The following PREP variants were observed in gnomAD, a reference collection of about 807,000 sequenced individuals.
The protein encoded by PREP is dJ355L5.1 (prolyl endopeptidase).
Under a neutral mutation model 87.6 loss-of-function variants are expected in PREP, and 29 were observed. The observed-to-expected ratio is 0.33, with a 90% CI of 0.25 to 0.45. The LOEUF is 0.45. Among genes scored for constraint, PREP ranks in the 20% least tolerant of loss-of-function variants. The probability of loss-of-function intolerance (pLI) is 1.00; values close to 1 mark genes in which losing one functional copy is unlikely to be tolerated. For synonymous variants in PREP, 337 were observed against 328.6 expected, an observed-to-expected ratio of 1.03 and a Z score of -0.28; for missense variants, 695 against 886.5, an observed-to-expected ratio of 0.78 and a Z score of 2.74.
At chr6:105,328,478 T>A (rs780330257) in intron 9 of PREP, among the ~76,000 whole-genome samples, 9 of 152,098 alleles carry the variant, frequency 5.9e-5, no homozygotes, top group Admixed American at 2.6e-4. Context: ...ATGGTCTCAA[T>A]CTCTTGACCT....
chr6:105,326,156 G>C (rs929896594), intron 9 of PREP, among the ~76,000 whole-genome samples: 4 of 152,150 alleles, frequency 2.6e-5, no homozygotes, highest in Admixed American at 2.0e-4. Context: ...GTCTCAAAAA[G>C]TTTTGCCTTT....
rs1414854303 is a variant in PREP, at chr6:105,275,881, G to C, written c.*2263C>G. 6.6e-6 allele frequency among the ~76,000 whole-genome samples: 1 copy of C among 152,202 alleles called. No homozygotes were observed. The highest frequency in any genetic ancestry group is 2.4e-5 in the African/African-American group (1 of 41,448). Reference sequence around the variant, plus strand: ...CTCCACTCATGTGGGAGCTAAAAAAGCAGGCAGAGAAAGGGAGGATGAAGA... The same window carrying C: ...CTCCACTCATGTGGGAGCTAAAAAACCAGGCAGAGAAAGGGAGGATGAAGA... On this transcript the variant is annotated 3_prime_UTR_variant, in exon 15 of 15. Coordinates refer to ENST00000652536, the MANE Select transcript of PREP (RefSeq NM_002726.5).
Position 105,327,572 on chromosome 6 carries a change from G to T in PREP, c.1213+1257C>A, listed in dbSNP as rs1050902137. On this transcript the variant is annotated intron_variant, in intron 9 of 14. Coordinates refer to ENST00000652536, the MANE Select transcript of PREP (RefSeq NM_002726.5). ...ATTCCTTATGGATTGCCTGCTCTGT[G>T]ACTCAGAGGCTCAAAATAACAGTGA... 5.3e-5 allele frequency among the ~76,000 whole-genome samples: 8 copies of T among 152,276 alleles called. No homozygotes were observed. In the East Asian group the frequency reaches 5.8e-4, roughly 11 times the overall value.
At chr6:105,401,336 G>T (rs12660424) in intron 1 of PREP, among the ~76,000 whole-genome samples, 9,755 of 152,226 alleles carry the variant, frequency 0.064, 352 homozygotes, top group South Asian at 0.16. Flanking sequence ...AGAACCAAGA[G>T]AGTCACCTGG....
At chr6:105,351,038 T>C (rs1307105638) in intron 7 of PREP, among the ~76,000 whole-genome samples, 2 of 152,218 alleles carry the variant, frequency 1.3e-5, no homozygotes, top group African/African-American at 4.8e-5. Flanking sequence ...CAGATCAGGT[T>C]AGTACCACTG....
chr6:105,343,735 GAA>G (rs1771722630), intron 7 of PREP, among the ~76,000 whole-genome samples: 1 of 152,150 alleles, frequency 6.6e-6, no homozygotes, highest in African/African-American at 2.4e-5. Flanking sequence ...CTTCTCAAAA[GAA>G]GACATTTATG....
rs1770000541 is a variant in PREP, at chr6:105,278,589, A to ATGAC, written c.1839-155_1839-152dup. On this transcript the variant is annotated intron_variant, in intron 14 of 14. Coordinates refer to ENST00000652536, the MANE Select transcript of PREP (RefSeq NM_002726.5). This position sits in a 1 kb window ranked among gnomAD's most constrained non-coding sequence, Gnocchi z 4.2. ...GTGCCTATGCGTTACCATTTAGGCCATGACTGGCAAGGGCTCCTGGAAACT... is the reference window on the plus strand; with the variant it reads ...GTGCCTATGCGTTACCATTTAGGCCATGACTGACTGGCAAGGGCTCCTGGAAACT... 3.7e-6 allele frequency: 3 copies of ATGAC among 813,784 alleles called. No homozygotes were observed. The highest frequency in any genetic ancestry group is 6.1e-5 in the Admixed American group (2 of 32,586). The allele number at this position is 813,784 out of a possible 1,614,324, so 50.4% of individuals were successfully genotyped here.
At chr6:105,354,245 T>C (rs998385129) in intron 6 of PREP, among the ~76,000 whole-genome samples, 2 of 152,210 alleles carry the variant, frequency 1.3e-5, no homozygotes, top group East Asian at 1.9e-4. Flanking sequence ...CATACTTCTT[T>C]AGAAAATTTC....
intron 10 of PREP, among the ~76,000 whole-genome samples, chr6:105,309,637 G>A (rs781076298): frequency 1.3e-5 from 2 of 151,900 alleles, no homozygotes; most frequent in Non-Finnish European, 2.9e-5. Flanking sequence ...GTAAGCAAAT[G>A]GAGAATTCAA....
intron 10 of PREP, among the ~76,000 whole-genome samples, chr6:105,294,890 G>T (rs142882497): frequency 2.0e-4 from 30 of 152,070 alleles, no homozygotes; most frequent in African/African-American, 7.2e-4. Flanking sequence ...TGTCAGCATC[G>T]CTTGGGCTTT....
chr6:105,382,966 G>C (rs1472504236), intron 2 of PREP, among the ~76,000 whole-genome samples: 1 of 152,204 alleles, frequency 6.6e-6, no homozygotes, highest in African/African-American at 2.4e-5. Context: ...CAGCCTAAGT[G>C]AAAGGCATGG....
At chr6:105,373,712 T>G (rs1772616824) in intron 4 of PREP, 134 bp from the exon 5 acceptor site, 1 of 926,282 alleles carries the variant, frequency 1.1e-6, no homozygotes, top group South Asian at 1.7e-5. Context: ...AATCTGGTAG[T>G]GAGGAATCCC....
intron 2 of PREP, among the ~76,000 whole-genome samples, chr6:105,378,859 A>T (rs1772762393): frequency 6.6e-6 from 1 of 152,158 alleles, no homozygotes; most frequent in African/African-American, 2.4e-5. Context: ...TCACTTTTGG[A>T]TATATCATCA....
At position 105,368,988 on chromosome 6, in the gene PREP, T is replaced by C. The variant is rs1772469089; in HGVS notation, c.632A>G (p.Tyr211Cys). ...CTGATCGGTTCCCAAGACATGGTAG[T>C]AGAGCTTTTGGTGGAGATTGGTAGA... ...ETSTNLHQKL[Y>C]YHVLGTDQSE... The change falls in exon 6 of 15, where the codon TAC (tyrosine) becomes TGC (cysteine). Residue 211 changes from tyrosine to cysteine, a missense_variant. Around this residue, in one of 5 missense-constraint regions of PREP, gnomAD observed 517 missense variants for 620.3 expected, o/e 0.83. Coordinates refer to ENST00000652536, the MANE Select transcript of PREP (RefSeq NM_002726.5). The C allele has an allele frequency of 1.9e-6, 3 of 1,613,994 alleles. No individual in the cohort carries two copies. The highest frequency in any genetic ancestry group is 2.5e-6 in the Non-Finnish European group (3 of 1,179,916).
At chr6:105,347,946 A>G (rs1050011063) in intron 7 of PREP, among the ~76,000 whole-genome samples, 2 of 152,186 alleles carry the variant, frequency 1.3e-5, no homozygotes, top group Non-Finnish European at 2.9e-5. Context: ...TTGATTAGGA[A>G]GGTATAGAAA....
At chr6:105,387,114 C>T (rs971811455) in intron 2 of PREP, among the ~76,000 whole-genome samples, 1 of 152,040 alleles carries the variant, frequency 6.6e-6, no homozygotes, top group Non-Finnish European at 1.5e-5. Flanking sequence ...TCATGCTACT[C>T]AGGAGGCTGA....
intron 1 of PREP, among the ~76,000 whole-genome samples, chr6:105,402,352 A>AAAG (rs1291321277): frequency 1.3e-5 from 2 of 152,096 alleles, no homozygotes; most frequent in East Asian, 3.9e-4. Flanking sequence ...TCGAACGAAT[A>AAAG]TGCTTCAACT....
chr6:105,369,841 A>C (rs1562219399), intron 5 of PREP, among the ~76,000 whole-genome samples: 1 of 152,232 alleles, frequency 6.6e-6, no homozygotes, highest in Non-Finnish European at 1.5e-5. Context: ...AAACAAAAAA[A>C]CGATTAAAAA....
chr6:105,383,816 C>A (rs150752387), intron 2 of PREP, among the ~76,000 whole-genome samples: 2 of 152,176 alleles, frequency 1.3e-5, no homozygotes, highest in East Asian at 3.9e-4. Flanking sequence ...AAATTTTAAC[C>A]CCATTAGGCT....
Sources: allele counts gnomAD v4.1 joint callset (sites outside exome capture counted in the v4.1 genomes callset), GRCh38; gene constraint gnomAD v4.1.1; regional missense constraint gnomAD v4.1.1; non-coding constraint Gnocchi (gnomAD v3.1); transcripts MANE v1.5; gene names NCBI Gene and HGNC (gene_info 2026-07-23, HGNC 2026-07-21).